The following LRMDA variants were observed in gnomAD, a reference collection of about 807,000 sequenced individuals.
LRMDA encodes leucine rich melanocyte differentiation associated, also known as leucine-rich melanocyte differentiation-associated protein.
Under a neutral mutation model 29.8 loss-of-function variants are expected in LRMDA, and 18 were observed. The ratio of observed to expected loss-of-function variants is 0.60; its 90% confidence interval spans 0.42 to 0.90. LRMDA has a LOEUF of 0.90. Among genes scored for constraint, LRMDA ranks in the 40% least tolerant of loss-of-function variants. The pLI, the probability that LRMDA is intolerant of heterozygous loss-of-function variation, is 0.00. For missense variants in LRMDA, 273 were observed against 273.9 expected (o/e 1.00, Z 0.02); for synonymous variants, 125 against 109.4 (o/e 1.14, Z -0.89).
chr10:76,510,694 A>G (rs1372561120), intron 6 of LRMDA, among the ~76,000 whole-genome samples: 1 of 152,140 alleles, frequency 6.6e-6, no homozygotes, highest in African/African-American at 2.4e-5. Flanking sequence ...CTGAAATTCT[A>G]CTGCACAAAT....
intron 6 of LRMDA, among the ~76,000 whole-genome samples, chr10:76,342,986 TA>T (rs1047112459): frequency 1.3e-5 from 2 of 151,168 alleles, no homozygotes; most frequent in Non-Finnish European, 1.5e-5. Flanking sequence ...GAGCAGGGAG[TA>T]AAAAAAACCC....
chr10:76,015,624 A>G (rs2132485168), intron 2 of LRMDA, among the ~76,000 whole-genome samples: 2 of 152,210 alleles, frequency 1.3e-5, no homozygotes, highest in East Asian at 3.9e-4. Context: ...TCCAGCCCAC[A>G]CTCAAGTGGA....
At chr10:76,150,817 G>T (rs1850426636) in intron 5 of LRMDA, among the ~76,000 whole-genome samples, 1 of 152,226 alleles carries the variant, frequency 6.6e-6, no homozygotes, top group African/African-American at 2.4e-5. Context: ...CCAAGGCAGA[G>T]CTAATTATTA....
At chr10:75,483,710 G>A (rs1240186139) in intron 2 of LRMDA, among the ~76,000 whole-genome samples, 1 of 152,018 alleles carries the variant, frequency 6.6e-6, no homozygotes, top group Non-Finnish European at 1.5e-5. Flanking sequence ...TTTATAATAA[G>A]CCACCTTACT....
chr10:75,760,024 C>T (rs769385144), intron 2 of LRMDA, among the ~76,000 whole-genome samples: 33 of 152,238 alleles, frequency 2.2e-4, no homozygotes, highest in Middle Eastern at 3.4e-3. Flanking sequence ...TTTCAGTCAC[C>T]GCTTTCATTA....
At chr10:76,518,611 T>C (rs1381835213) in intron 6 of LRMDA, among the ~76,000 whole-genome samples, 1 of 152,158 alleles carries the variant, frequency 6.6e-6, no homozygotes, top group African/African-American at 2.4e-5. Context: ...TTATGTCAAT[T>C]ATAAGAGATC....
Position 76,301,999 on chromosome 10 carries a change from T to A in LRMDA, c.517-22402T>A, listed in dbSNP as rs191396773. On this transcript the variant is annotated intron_variant, in intron 5 of 6. Coordinates refer to ENST00000611255, the MANE Select transcript of LRMDA (RefSeq NM_001305581.2). ...TTGCTTAAAATGTTCATGGCCTCCC[T>A]AGGCTGGAGTAAAGTATCTGCATAT... Among the ~76,000 whole-genome samples the A allele has an allele frequency of 5.9e-5, 9 of 152,352 alleles. No individual in the cohort carries two copies. In the East Asian group the frequency reaches 1.7e-3, roughly 29 times the overall value.
At chr10:76,119,731 C>A (rs77699240) in intron 5 of LRMDA, among the ~76,000 whole-genome samples, 3,333 of 152,232 alleles carry the variant, frequency 0.022, 123 homozygotes, top group African/African-American at 0.075. Context: ...CACTCTGGAA[C>A]TTTGTAATTC....
chr10:76,047,137 T>G (rs751892312), intron 3 of LRMDA, 27 bp from the exon 4 acceptor site: 9 of 1,613,428 alleles, frequency 5.6e-6, no homozygotes, highest in Middle Eastern at 1.7e-4. Flanking sequence ...TTTGTCTTAC[T>G]GGACCAAGAT....
intron 6 of LRMDA, among the ~76,000 whole-genome samples, chr10:76,383,710 G>A (rs989516154): frequency 2.0e-5 from 3 of 151,944 alleles, no homozygotes; most frequent in African/African-American, 7.3e-5. Context: ...GATTACAGGC[G>A]TGAGCCACCG....
chr10:76,469,434 C>T (rs541234622), intron 6 of LRMDA, among the ~76,000 whole-genome samples: 1 of 152,240 alleles, frequency 6.6e-6, no homozygotes, highest in East Asian at 1.9e-4. Context: ...GGGCCCTCAT[C>T]ATTCTTGCTC....
At chr10:75,755,633 A>G (rs1031071184) in intron 2 of LRMDA, among the ~76,000 whole-genome samples, 1 of 152,262 alleles carries the variant, frequency 6.6e-6, no homozygotes, top group South Asian at 2.1e-4. Context: ...TCTGAGTGAC[A>G]AGAAGGAGCC....
intron 6 of LRMDA, among the ~76,000 whole-genome samples, chr10:76,497,557 C>G (rs1435709087): frequency 1.3e-5 from 1 of 75,590 alleles, no homozygotes; most frequent in African/African-American, 3.2e-5. Context: ...AGAGAGATGG[C>G]AAAAGTGTGA....
At chr10:75,672,079 C>T (rs1841897770) in intron 2 of LRMDA, among the ~76,000 whole-genome samples, 1 of 152,192 alleles carries the variant, frequency 6.6e-6, no homozygotes, top group Non-Finnish European at 1.5e-5. Flanking sequence ...GCTCCATTTC[C>T]TTCAAGCCAC....
rs534633959 is a variant in LRMDA at position 75,750,447 on chromosome 10, G to C, written c.132-285561G>C. ...CTCCTCAGTTCCCAGACGGGGTCGC[G>C]GCCGGGCAGAGGCGCTCCTCACATC... On this transcript the variant is annotated intron_variant, in intron 2 of 6. Transcript: ENST00000611255. Among the ~76,000 whole-genome samples the C allele has an allele frequency of 1.0e-4, 15 of 148,136 alleles. No individual in the cohort carries two copies. In the East Asian group the frequency reaches 2.8e-3, roughly 28 times the overall value.
intron 6 of LRMDA, among the ~76,000 whole-genome samples, chr10:76,444,346 G>C (rs1297485130): frequency 6.6e-6 from 1 of 152,154 alleles, no homozygotes; most frequent in African/African-American, 2.4e-5. Flanking sequence ...AGAGGAGGTG[G>C]TGTTCAATGG....
chr10:76,421,365 T>C (rs1842070068), intron 6 of LRMDA, among the ~76,000 whole-genome samples: 1 of 152,188 alleles, frequency 6.6e-6, no homozygotes, highest in South Asian at 2.1e-4. Flanking sequence ...TTGCTTTGTG[T>C]AGTTTCTTTT....
intron 6 of LRMDA, among the ~76,000 whole-genome samples, chr10:76,328,810 G>T (rs533289579): frequency 6.6e-6 from 1 of 152,116 alleles, no homozygotes; most frequent in East Asian, 1.9e-4. Context: ...GAGAAAATTT[G>T]AAAACAAAAA....
intron 5 of LRMDA, among the ~76,000 whole-genome samples, chr10:76,207,688 G>A (rs1003846499): frequency 1.3e-5 from 2 of 152,116 alleles, no homozygotes; most frequent in Non-Finnish European, 2.9e-5. Context: ...TGGTGGTCGG[G>A]TGTGGTGGCT....
Sources: allele counts gnomAD v4.1 joint callset (sites outside exome capture counted in the v4.1 genomes callset), GRCh38; gene constraint gnomAD v4.1.1; transcripts MANE v1.5; gene names NCBI Gene and HGNC (gene_info 2026-07-23, HGNC 2026-07-21).